ROBO1: variants seen among roughly 807,000 people sequenced by gnomAD.
ROBO1 encodes roundabout guidance receptor 1, also known as roundabout homolog 1.
In ROBO1, 149 loss-of-function variants were observed where a neutral mutation model predicts 195.9. The observed-to-expected ratio is 0.76, with a 90% CI of 0.67 to 0.87. ROBO1 has a LOEUF of 0.87. ROBO1 is among the 40% of genes least tolerant of loss of function. The pLI is 0.00. For missense variants in ROBO1, 1,933 were observed against 2,068.3 expected (o/e 0.93, Z 1.27); for synonymous variants, 816 against 733.2 (o/e 1.11, Z -1.82).
At chr3:78,996,404 T>G (rs1576534780) in intron 3 of ROBO1, among the ~76,000 whole-genome samples, 1 of 152,082 alleles carries the variant, frequency 6.6e-6, no homozygotes, top group East Asian at 1.9e-4. Context: ...TTTCTCTAAT[T>G]TATCAAGCTT....
chr3:79,372,139 C>G (rs2036217795), intron 2 of ROBO1, among the ~76,000 whole-genome samples: 1 of 151,734 alleles, frequency 6.6e-6, no homozygotes, highest in African/African-American at 2.4e-5. Flanking sequence ...CGGTCTGGTT[C>G]TTAACAATCC....
Position 78,895,204 on chromosome 3 carries a change from C to T in ROBO1, c.499+43397G>A, listed in dbSNP as rs973314640. Among the ~76,000 whole-genome samples the T allele has an allele frequency of 2.6e-5, 4 of 152,100 alleles. No homozygotes were observed. In the East Asian group the frequency reaches 5.8e-4, roughly 22 times the overall value. ...TTCAGCGGTCAGAAAGATACTGCTG[C>T]TGACAATTAGGGTTACAAATATCCA... On this transcript the variant is annotated intron_variant, in intron 4 of 30. Transcript: ENST00000464233.
chr3:79,009,291 G>A (rs1256341868), intron 3 of ROBO1, among the ~76,000 whole-genome samples: 1 of 151,640 alleles, frequency 6.6e-6, no homozygotes, highest in African/African-American at 2.4e-5. Flanking sequence ...ACCTTAATAA[G>A]AACCAAGTCT....
chr3:78,635,758 T>A lies in ROBO1; in HGVS notation c.3373+15A>T. The A allele has an allele frequency of 6.2e-7, 1 of 1,609,578 alleles. No homozygotes were observed. On this transcript the variant is annotated intron_variant, in intron 23 of 30. Transcript: ENST00000464233. The stretch of plus-strand genomic sequence containing the variant: ...TCATACAGAAACAGATGGGAATACA[T>A]GCAAGCCTCTTCACCTTTGTTCAGC...
At chr3:79,506,779 G>A (rs1940422122) in intron 2 of ROBO1, among the ~76,000 whole-genome samples, 1 of 152,146 alleles carries the variant, frequency 6.6e-6, no homozygotes, top group Non-Finnish European at 1.5e-5. Context: ...GGATGAATTT[G>A]GTGTTAAGTA....
Position 79,039,472 on chromosome 3 carries a change from T to G in ROBO1, c.172+85984A>C, listed in dbSNP as rs1336810411. On this transcript the variant is annotated intron_variant, in intron 3 of 30. Coordinates refer to ENST00000464233, the MANE Select transcript of ROBO1 (RefSeq NM_002941.4). ...AAAAGCTAGGCAGTAGAAATAGCCA[T>G]GGCTTTAGAGTCAGATGGACATGGA... is the stretch of plus-strand genomic sequence containing the variant. Among the ~76,000 whole-genome samples, 3 of 152,116 alleles carry G rather than the reference T, an allele frequency of 2.0e-5. No homozygotes were observed. The East Asian group carries it at 5.8e-4, about 30-fold the overall frequency.
chr3:78,652,615 A>G (rs1706741590), intron 18 of ROBO1, among the ~76,000 whole-genome samples: 1 of 152,188 alleles, frequency 6.6e-6, no homozygotes, highest in African/African-American at 2.4e-5. Flanking sequence ...CCATTGAAAG[A>G]GCCATGAATA....
chr3:79,070,921 G>GTTA (rs2079078030), intron 3 of ROBO1, among the ~76,000 whole-genome samples: 1 of 151,234 alleles, frequency 6.6e-6, no homozygotes, highest in Non-Finnish European at 1.5e-5. Context: ...TTTTTTATTA[G>GTTA]TTATTTTTTA....
chr3:78,922,376 T>G (rs1199624288), intron 4 of ROBO1, among the ~76,000 whole-genome samples: 1 of 151,786 alleles, frequency 6.6e-6, no homozygotes, highest in Non-Finnish European at 1.5e-5. Context: ...AGACAGACAC[T>G]CAAAGGTCCT....
chr3:79,706,297 T>C (rs576508707), intron 1 of ROBO1, among the ~76,000 whole-genome samples: 17 of 152,284 alleles, frequency 1.1e-4, no homozygotes, highest in Non-Finnish European at 2.1e-4. Context: ...GTTTTATAGA[T>C]ACCCTTTATC....
At chr3:79,029,156 A>G (rs1200350812) in intron 3 of ROBO1, among the ~76,000 whole-genome samples, 1 of 152,090 alleles carries the variant, frequency 6.6e-6, no homozygotes, top group East Asian at 1.9e-4. Flanking sequence ...GTTTATCCAA[A>G]TCACATTACT....
intron 2 of ROBO1, among the ~76,000 whole-genome samples, chr3:79,366,859 C>T (rs976156231): frequency 6.7e-6 from 1 of 150,234 alleles, no homozygotes; most frequent in Non-Finnish European, 1.5e-5. Context: ...ACATTAGTCT[C>T]TTAAGAATAT....
At chr3:78,750,915 C>T (rs887312575) in intron 4 of ROBO1, among the ~76,000 whole-genome samples, 2 of 152,204 alleles carry the variant, frequency 1.3e-5, no homozygotes, top group African/African-American at 4.8e-5. Context: ...CCCAGGTATT[C>T]TGATTACCAG....
At chr3:78,909,250 A>G (rs1041476567) in intron 4 of ROBO1, among the ~76,000 whole-genome samples, 1 of 151,914 alleles carries the variant, frequency 6.6e-6, no homozygotes, top group African/African-American at 2.4e-5. Flanking sequence ...TTAAACAGAA[A>G]AAAAAATTCA....
chr3:79,608,755 T>C (rs1045885256), intron 1 of ROBO1, among the ~76,000 whole-genome samples: 1 of 151,954 alleles, frequency 6.6e-6, no homozygotes, highest in African/African-American at 2.4e-5. Context: ...CAAACCTCTC[T>C]GTGTTTAAAG....
intron 2 of ROBO1, among the ~76,000 whole-genome samples, chr3:79,275,381 A>C (rs1205119563): frequency 6.6e-6 from 1 of 152,052 alleles, no homozygotes; most frequent in Non-Finnish European, 1.5e-5. Flanking sequence ...GATAAAAATC[A>C]TATAACCATT....
At chr3:79,515,778 A>G (rs1035757338) in intron 2 of ROBO1, among the ~76,000 whole-genome samples, 1 of 152,198 alleles carries the variant, frequency 6.6e-6, no homozygotes, top group Non-Finnish European at 1.5e-5. Context: ...GTAATATCCC[A>G]TAAAAAGAAT....
At chr3:79,403,608 T>G (rs2037442374) in intron 2 of ROBO1, among the ~76,000 whole-genome samples, 1 of 152,054 alleles carries the variant, frequency 6.6e-6, no homozygotes, top group African/African-American at 2.4e-5. Flanking sequence ...TTAGGTGTGG[T>G]TTTACCCTAC....
At chr3:79,026,982 C>T (rs1469539855) in intron 3 of ROBO1, among the ~76,000 whole-genome samples, 1 of 151,814 alleles carries the variant, frequency 6.6e-6, no homozygotes, top group East Asian at 1.9e-4. Context: ...TTATTTAGTG[C>T]CTTCATTATG....
Sources: gnomAD v4.1 joint callset for allele counts (sites outside exome capture counted in the v4.1 genomes callset) on GRCh38, gnomAD v4.1.1 for gene constraint, MANE v1.5 for transcripts, NCBI Gene and HGNC (gene_info 2026-07-23, HGNC 2026-07-21) for gene names.